CCSER1: variants seen among roughly 807,000 people sequenced by gnomAD.
CCSER1 encodes coiled-coil serine rich protein 1.
A neutral mutation model predicts 82.0 loss-of-function variants in CCSER1; 41 were observed. That is an observed-to-expected ratio of 0.50 (90% CI 0.39 to 0.65). The LOEUF (loss-of-function observed/expected upper bound fraction) is 0.65, where lower values mean the gene tolerates loss of function less well. Ranked by LOEUF, CCSER1 falls within the 30% of genes least tolerant of loss-of-function variation. CCSER1 has a pLI of 0.00. For missense variants in CCSER1, 1,119 were observed against 1,064.2 expected (o/e 1.05, Z -0.72); for synonymous variants, 414 against 383.9 (o/e 1.08, Z -0.92).
At chr4:91,582,781 C>T (rs2110317932) in intron 10 of CCSER1, among the ~76,000 whole-genome samples, 1 of 151,516 alleles carries the variant, frequency 6.6e-6, no homozygotes, top group East Asian at 1.9e-4. Flanking sequence ...CTTAGGGAAA[C>T]ATTCATCTTA....
At chr4:90,644,747 C>T (rs934364077) in intron 6 of CCSER1, among the ~76,000 whole-genome samples, 2 of 151,806 alleles carry the variant, frequency 1.3e-5, no homozygotes, top group African/African-American at 4.8e-5. Context: ...CATAAGTTTG[C>T]TGAGGATAAT....
intron 5 of CCSER1, among the ~76,000 whole-genome samples, chr4:90,560,429 C>T (rs1206302695): frequency 6.6e-6 from 1 of 152,034 alleles, no homozygotes; most frequent in Non-Finnish European, 1.5e-5. Context: ...ATAATTTTAC[C>T]GGTTGGCTCC....
At chr4:91,484,683 A>G (rs1353236574) in intron 10 of CCSER1, among the ~76,000 whole-genome samples, 1 of 152,196 alleles carries the variant, frequency 6.6e-6, no homozygotes, top group Non-Finnish European at 1.5e-5. Context: ...TCACTTGTCA[A>G]TGAATTCTTC....
At chr4:90,599,359 A>G (rs1783766078) in intron 5 of CCSER1, among the ~76,000 whole-genome samples, 1 of 151,442 alleles carries the variant, frequency 6.6e-6, no homozygotes, top group African/African-American at 2.4e-5. Flanking sequence ...CCTTTTCATT[A>G]TTTTTCTCTC....
chr4:90,266,837 T>C (rs1364835500), intron 1 of CCSER1, among the ~76,000 whole-genome samples: 1 of 151,946 alleles, frequency 6.6e-6, no homozygotes, highest in African/African-American at 2.4e-5. Context: ...TAAATAAACT[T>C]GAAAGGCTCA....
At chr4:91,492,158 G>T (rs1415197715) in intron 10 of CCSER1, among the ~76,000 whole-genome samples, 1 of 151,888 alleles carries the variant, frequency 6.6e-6, no homozygotes, top group African/African-American at 2.4e-5. Flanking sequence ...AAGTAGGATG[G>T]CTTTTATTTT....
At chr4:91,146,130 T>C (rs1307219748) in intron 10 of CCSER1, among the ~76,000 whole-genome samples, 1 of 152,220 alleles carries the variant, frequency 6.6e-6, no homozygotes, top group Non-Finnish European at 1.5e-5. Flanking sequence ...TTTAAAATTA[T>C]TATTTTTATG....
chr4:90,957,664 C>T, intron 9 of CCSER1, among the ~76,000 whole-genome samples: 1 of 114,384 alleles, frequency 8.7e-6, no homozygotes, highest in East Asian at 2.4e-4. Flanking sequence ...ATATATATAA[C>T]TATATAATTT....
intron 5 of CCSER1, among the ~76,000 whole-genome samples, chr4:90,617,089 T>C (rs1171686621): frequency 3.3e-5 from 5 of 152,188 alleles, no homozygotes; most frequent in Admixed American, 2.6e-4. Flanking sequence ...TTATTACACA[T>C]AAAACAATTT....
At chr4:91,481,440 A>G (rs1256468672) in intron 10 of CCSER1, among the ~76,000 whole-genome samples, 3 of 152,086 alleles carry the variant, frequency 2.0e-5, no homozygotes, top group African/African-American at 7.2e-5. Flanking sequence ...GTAAGACACA[A>G]ATCAGGTTGG....
chr4:90,545,920 T>C (rs1350289710), intron 5 of CCSER1, among the ~76,000 whole-genome samples: 1 of 152,158 alleles, frequency 6.6e-6, no homozygotes, highest in Non-Finnish European at 1.5e-5. Context: ...CCTAAAAGGC[T>C]GTAACAAAAT....
At position 90,831,836 on chromosome 4, in the gene CCSER1, A is replaced by G. The variant is rs1312792483; in HGVS notation, c.2094+15991A>G. Among the ~76,000 whole-genome samples, 7 of 152,190 alleles carry G rather than the reference A, an allele frequency of 4.6e-5. No individual in the cohort carries two copies. In the East Asian group the frequency reaches 1.2e-3, roughly 25 times the overall value. ...TTATCTAATAAGAGAAGAGGAAAAA[A>G]TTATGTTACCTAATATTCCACTACC... On this transcript the variant is annotated intron_variant, in intron 8 of 10. Coordinates refer to ENST00000509176, the MANE Select transcript of CCSER1 (RefSeq NM_001145065.2).
chr4:91,517,197 C>A (rs566771750), intron 10 of CCSER1, among the ~76,000 whole-genome samples: 1 of 152,140 alleles, frequency 6.6e-6, no homozygotes, highest in South Asian at 2.1e-4. Flanking sequence ...ATTTCTTTTT[C>A]TTGCCTGATT....
chr4:90,486,552 A>T (rs1406130045), intron 5 of CCSER1, among the ~76,000 whole-genome samples: 1 of 152,188 alleles, frequency 6.6e-6, no homozygotes, highest in African/African-American at 2.4e-5. Context: ...GCCACAGGTG[A>T]TGAATCATGT....
At chr4:91,465,143 A>T (rs1439379737) in intron 10 of CCSER1, among the ~76,000 whole-genome samples, 2 of 152,230 alleles carry the variant, frequency 1.3e-5, no homozygotes, top group Non-Finnish European at 2.9e-5. Flanking sequence ...AACAGAAATT[A>T]TAACAAACTG....
intron 9 of CCSER1, among the ~76,000 whole-genome samples, chr4:91,042,235 G>A (rs1742021606): frequency 1.3e-5 from 2 of 152,080 alleles, no homozygotes; most frequent in South Asian, 2.1e-4. Flanking sequence ...GAGTTCTCAC[G>A]AGGTCTGTTG....
intron 10 of CCSER1, among the ~76,000 whole-genome samples, chr4:91,160,621 T>C (rs978709641): frequency 3.9e-5 from 6 of 152,216 alleles, no homozygotes; most frequent in Admixed American, 3.3e-4. Context: ...CATTGTGGTT[T>C]TGATTTGCAT....
chr4:91,598,832 G>A lies in CCSER1; in HGVS notation c.2478G>A (p.Gly826=). 6.4e-7 allele frequency: 1 copy of A among 1,551,604 alleles called. No individual in the cohort carries two copies. The highest frequency in any genetic ancestry group is 8.7e-7 in the Non-Finnish European group (1 of 1,146,926). ...CACAGAACTTACGGGCCACCGTTGG[G>A]CAGAGCTCTCTGAAGCCAACAGCTA... The part of the protein sequence containing the change: ...DVTQNLRATV[G]QSSLKPTAKT... The change falls in exon 11 of 11, where the codon GGG becomes GGA. Residue 826 remains glycine (G), a synonymous_variant. Transcript: ENST00000509176.
At chr4:90,408,605 A>G (rs1754139214) in intron 4 of CCSER1, among the ~76,000 whole-genome samples, 2 of 152,234 alleles carry the variant, frequency 1.3e-5, no homozygotes, top group African/African-American at 4.8e-5. Context: ...ACCAACAGAA[A>G]GGACATCCAC....
Sources: allele counts gnomAD v4.1 joint callset (sites outside exome capture counted in the v4.1 genomes callset), GRCh38; gene constraint gnomAD v4.1.1; transcripts MANE v1.5; gene names NCBI Gene and HGNC (gene_info 2026-07-23, HGNC 2026-07-21).